The following DPY19L1 variants were observed in gnomAD, a reference collection of about 807,000 sequenced individuals.
DPY19L1 encodes protein C-mannosyl-transferase DPY19L1.
Under a neutral mutation model 96.9 loss-of-function variants are expected in DPY19L1, and 35 were observed. The ratio of observed to expected loss-of-function variants is 0.36; its 90% confidence interval spans 0.28 to 0.48. The LOEUF (loss-of-function observed/expected upper bound fraction) is 0.48. DPY19L1 is among the 20% of genes least tolerant of loss of function. DPY19L1 has a pLI of 0.99. For synonymous variants in DPY19L1, 205 were observed against 252.6 expected (o/e 0.81, Z 1.79); for missense variants, 521 against 777.9 (o/e 0.67, Z 3.93).
chr7:34,956,103 C>T (rs1784373047), intron 11 of DPY19L1, among the ~76,000 whole-genome samples: 1 of 152,030 alleles, frequency 6.6e-6, no homozygotes, highest in Admixed American at 6.6e-5. Context: ...TAAGGCACAC[C>T]TCAGTGTGAA....
chr7:34,976,884 A>G (rs888659899), intron 7 of DPY19L1, among the ~76,000 whole-genome samples: 4 of 152,074 alleles, frequency 2.6e-5, no homozygotes, highest in Non-Finnish European at 5.9e-5. Flanking sequence ...CCTGGGTTCA[A>G]GCGATTCTCC....
rs376525655 is a variant in DPY19L1 at position 34,941,855 on chromosome 7, T to G, written c.1599A>C (p.Ala533=). ...ELVYHALQLL[A]YTALGILIMR... is the part of the protein sequence containing the mutation. ...TAATTAAAATACCAAGGGCTGTATA[T>G]GCTAACAATTGCAATGCATGGTAAA... The change falls in exon 18 of 22, where the codon GCA becomes GCC. Residue 533 remains alanine, a synonymous_variant. Transcript: ENST00000638088. 1.1e-5 allele frequency: 17 copies of G among 1,572,992 alleles called. No homozygotes were observed. Among genetic ancestry groups the G allele is most frequent in the South Asian group, 2.3e-5 (2 of 85,308 alleles).
chr7:34,955,745 C>G (rs1784365185), intron 11 of DPY19L1, among the ~76,000 whole-genome samples: 1 of 152,096 alleles, frequency 6.6e-6, no homozygotes, highest in Non-Finnish European at 1.5e-5. Context: ...TTAGGGTAAA[C>G]AGCAAATGAA....
intron 10 of DPY19L1, among the ~76,000 whole-genome samples, chr7:34,965,704 T>C (rs1425451562): frequency 6.6e-6 from 1 of 152,186 alleles, no homozygotes; most frequent in Non-Finnish European, 1.5e-5. Flanking sequence ...AATGGGATAT[T>C]ATGACAACTG....
In DPY19L1 at chr7:35,013,568, C is replaced by T. The variant is rs745969259; in HGVS notation, c.549G>A (p.Glu183=). 1 of 1,606,712 alleles carries T rather than the reference C, an allele frequency of 6.2e-7. No individual in the cohort carries two copies. Among genetic ancestry groups the T allele is most frequent in the South Asian group, 1.1e-5 (1 of 89,892 alleles). ...ATCACAATTGGAAAAAGTACCTTAC[C>T]TCAGGGTAAAGATTGAATCTTTTTA... ...NTLKRFNLYP[E]VILASWYRIY... Residue 183 remains glutamate (E), a splice_region_variant and synonymous_variant, in exon 4 of 22, where the codon GAG becomes GAA. Transcript: ENST00000638088.
At chr7:34,959,051 A>C (rs1784436821) in intron 10 of DPY19L1, among the ~76,000 whole-genome samples, 1 of 152,208 alleles carries the variant, frequency 6.6e-6, no homozygotes, top group African/African-American at 2.4e-5. Context: ...AAAGTGGGTG[A>C]AGGATATGAA....
intron 6 of DPY19L1, among the ~76,000 whole-genome samples, chr7:34,995,117 A>T (rs1270225892): frequency 6.6e-6 from 1 of 152,206 alleles, no homozygotes; most frequent in Non-Finnish European, 1.5e-5. Context: ...GAATGTTCTG[A>T]GTTAGAAACA....
At position 34,928,978 on chromosome 7, in the gene DPY19L1, T is replaced by C. The variant is rs1228650240; in HGVS notation, c.*2595A>G. The C allele has an allele frequency of 6.6e-6, 1 of 152,224 alleles. No individual in the cohort carries two copies. 9.4% of individuals were successfully genotyped at this position (152,224 alleles called of 1,614,324 possible). A position where few individuals can be genotyped will look rare whatever the true frequency, so the allele number is the denominator to read the frequency against. ...ACAATACTCCTATGCAATATCACTT[T>C]ATTCCTGATACATACTTTCATTTTC... is the stretch of plus-strand genomic sequence containing the variant. On this transcript the variant is annotated 3_prime_UTR_variant, in exon 22 of 22. Transcript: ENST00000638088.
chr7:34,975,312 GAC>G (rs1371118350), intron 7 of DPY19L1, among the ~76,000 whole-genome samples: 1 of 152,170 alleles, frequency 6.6e-6, no homozygotes, highest in Non-Finnish European at 1.5e-5. Context: ...CTGATACGCA[GAC>G]AGTTTTAATG....
chr7:34,970,553 G>A (rs13312000), intron 8 of DPY19L1, among the ~76,000 whole-genome samples: 2 of 152,194 alleles, frequency 1.3e-5, no homozygotes, highest in East Asian at 1.9e-4. Flanking sequence ...ATACTAAGCC[G>A]CAGTGTAAAA....
chr7:34,945,111 C>T (rs181592267), intron 16 of DPY19L1, among the ~76,000 whole-genome samples: 260 of 152,172 alleles, frequency 1.7e-3, no homozygotes, highest in Non-Finnish European at 3.2e-3. Flanking sequence ...CACACATCAA[C>T]ATTTAAGTAC....
At chr7:35,018,088 C>T in intron 2 of DPY19L1, 119 bp from the exon 3 acceptor site, 1 of 616,232 alleles carries the variant, frequency 1.6e-6, no homozygotes, top group Non-Finnish European at 2.6e-6. Flanking sequence ...TGTAATAACA[C>T]TCAAATACAA....
intron 7 of DPY19L1, among the ~76,000 whole-genome samples, chr7:34,984,997 C>T (rs1785017852): frequency 1.3e-5 from 2 of 152,096 alleles, no homozygotes; most frequent in Admixed American, 1.3e-4. Flanking sequence ...CAAAAAGTAC[C>T]TGGGAAGAAG....
At chr7:35,018,443 C>A in intron 2 of DPY19L1, 129 bp downstream of exon 2, 1 of 794,210 alleles carries the variant, frequency 1.3e-6, no homozygotes, top group Non-Finnish European at 2.0e-6. Flanking sequence ...GTTTTTCAGA[C>A]TATTGTGTTA....
Position 34,939,391 on chromosome 7 carries a change from A to G in DPY19L1, c.1865-16T>C, listed in dbSNP as rs1174415197. The G allele has an allele frequency of 6.8e-6, 11 of 1,612,118 alleles. No individual in the cohort carries two copies. In the South Asian group the frequency reaches 9.9e-5, roughly 15 times the overall value. On this transcript the variant is annotated splice_polypyrimidine_tract_variant and intron_variant, in intron 19 of 21. Transcript: ENST00000638088. ...AACACTGCATCTGGAAGGCAAGAGG[A>G]ATGTCTCAGGAAGACACTCAGTGAA...
intron 6 of DPY19L1, among the ~76,000 whole-genome samples, chr7:35,005,738 G>A (rs1785538783): frequency 6.6e-6 from 1 of 151,788 alleles, no homozygotes; most frequent in South Asian, 2.1e-4. Flanking sequence ...TTGAACCCGG[G>A]AGGTGGAAAA....
chr7:35,023,701 C>T (rs1453131396), intron 1 of DPY19L1, among the ~76,000 whole-genome samples: 3 of 152,216 alleles, frequency 2.0e-5, no homozygotes, highest in Admixed American at 6.5e-5. Flanking sequence ...ATGGTTGAAC[C>T]CAGGTGTCCT....
chr7:34,950,393 T>C (rs1471796804), intron 13 of DPY19L1, among the ~76,000 whole-genome samples: 1 of 152,196 alleles, frequency 6.6e-6, no homozygotes, highest in Admixed American at 6.5e-5. Flanking sequence ...TAATCACCTC[T>C]CATATAATTA....
In DPY19L1 at chr7:34,959,917, A is replaced by ATT. The variant is rs1562806917; in HGVS notation, c.1093-1848_1093-1847insAA. 2.8e-4 allele frequency among the ~76,000 whole-genome samples: 5 copies of ATT among 17,564 alleles called. No homozygotes were observed. In the Admixed American group the frequency reaches 4.0e-3, roughly 14 times the overall value. The allele number at this position is 17,564 out of a possible 152,430, so 11.5% of individuals were successfully genotyped here. On this transcript the variant is annotated intron_variant, in intron 10 of 21. Transcript: ENST00000638088. ...TATATAAATATATATATATATATAT[A>ATT]TATATATTTATATATATATATATAT...
Sources: allele counts gnomAD v4.1 joint callset (sites outside exome capture counted in the v4.1 genomes callset), GRCh38; gene constraint gnomAD v4.1.1; transcripts MANE v1.5; gene names NCBI Gene and HGNC (gene_info 2026-07-23, HGNC 2026-07-21).